UBE3C: variants seen among roughly 807,000 people sequenced by gnomAD.
The protein encoded by UBE3C is ubiquitin-protein ligase E3C.
Under a neutral mutation model 129.4 loss-of-function variants are expected in UBE3C, and 42 were observed. That is an observed-to-expected ratio of 0.32 (90% confidence interval 0.25 to 0.42). The LOEUF is 0.42. Ranked by LOEUF, UBE3C falls within the 10% of genes least tolerant of loss-of-function variation. UBE3C has a pLI of 1.00. For synonymous variants in UBE3C, 510 were observed against 492.4 expected, an observed-to-expected ratio of 1.04 and a Z score of -0.47; for missense variants, 1,049 against 1,319.1, an observed-to-expected ratio of 0.80 and a Z score of 3.17.
At chr7:157,177,391 G>T (rs906164380) in intron 5 of UBE3C, among the ~76,000 whole-genome samples, 1 of 152,170 alleles carries the variant, frequency 6.6e-6, no homozygotes, top group Non-Finnish European at 1.5e-5. Flanking sequence ...AGGCTGTCCC[G>T]ATAAACCTGG....
At chr7:157,193,352 T>C (rs147512158) in intron 10 of UBE3C, among the ~76,000 whole-genome samples, 3,806 of 152,298 alleles carry the variant, frequency 0.025, 72 homozygotes, top group Non-Finnish European at 0.038. Flanking sequence ...ATTGGGTGTC[T>C]CGCTGTTTCT....
chr7:157,229,938 T>G (rs1795978834), intron 17 of UBE3C, among the ~76,000 whole-genome samples: 2 of 151,928 alleles, frequency 1.3e-5, no homozygotes, highest in Non-Finnish European at 2.9e-5. Flanking sequence ...TTTTTTTTTT[T>G]GAGACTGTCA....
At chr7:157,223,840 A>G (rs1795802337) in intron 16 of UBE3C, among the ~76,000 whole-genome samples, 1 of 152,194 alleles carries the variant, frequency 6.6e-6, no homozygotes, top group East Asian at 1.9e-4. Context: ...GGATCATTTG[A>G]GCCTAGGAGG....
chr7:157,198,554 A>G, intron 10 of UBE3C: 1 of 308,684 alleles, frequency 3.2e-6, no homozygotes, highest in Non-Finnish European at 6.2e-6. Context: ...ATTTTTTTCG[A>G]CAGGGAGTCT....
chr7:157,264,679 C>G (rs1797029070), intron 22 of UBE3C, among the ~76,000 whole-genome samples: 1 of 152,214 alleles, frequency 6.6e-6, no homozygotes, highest in African/African-American at 2.4e-5. Flanking sequence ...CCTCTGCCTC[C>G]TGCCTCAGCC....
chr7:157,185,996 GA>G (rs1207442379), intron 9 of UBE3C, among the ~76,000 whole-genome samples: 2 of 151,896 alleles, frequency 1.3e-5, no homozygotes, highest in Non-Finnish European at 2.9e-5. Flanking sequence ...ACATACATAT[GA>G]AAAAAGTATA....
chr7:157,248,376 T>C lies in UBE3C; in HGVS notation c.2490T>C (p.Tyr830=). The C allele has an allele frequency of 6.2e-7, 1 of 1,612,410 alleles. No individual in the cohort carries two copies. The highest frequency in any genetic ancestry group is 1.1e-5 in the South Asian group (1 of 91,000). ...ACTGTTCTCTTTTGAAGGCTCTCTA[T>C]GAGAACATGCTGGTGGAGCTGCCCT... ...FLGRMLGKAL[Y]ENMLVELPFA... is the part of the protein sequence containing the mutation. Residue 830 remains tyrosine, a synonymous_variant, in exon 19 of 23, where the codon TAT becomes TAC. Coordinates refer to ENST00000348165, the MANE Select transcript of UBE3C (RefSeq NM_014671.3).
At chr7:157,198,437 C>T (rs1185563581) in intron 10 of UBE3C, 2 of 557,840 alleles carry the variant, frequency 3.6e-6, no homozygotes, top group African/African-American at 3.7e-5. Flanking sequence ...TCTGCAAATC[C>T]TGTGCGCTCG....
chr7:157,139,409 G>T, intron 1 of UBE3C, 71 bp downstream of exon 1: 1 of 1,421,758 alleles, frequency 7.0e-7, no homozygotes, highest in Non-Finnish European at 9.2e-7. Flanking sequence ...TGGGACTCGG[G>T]GCTGGACTCG....
At position 157,256,976 on chromosome 7, in the gene UBE3C, GAT is replaced by G. The variant is rs746409200; in HGVS notation, c.3014_3015del (p.Asp1005GlyfsTer22). ...VFWRVVEGFT[D>X]EEKRKLLKFV... ...CTGGAGAGTTGTGGAAGGGTTCACT[GAT>G]GAAGAAAAGCGCAAACTGCTGAAGT... On this transcript the variant is annotated frameshift_variant, in exon 22 of 23. Coordinates refer to ENST00000348165, the MANE Select transcript of UBE3C (RefSeq NM_014671.3). LOFTEE classifies it high-confidence loss of function. 1 of 1,614,084 alleles carries G rather than the reference GAT, an allele frequency of 6.2e-7. No individual in the cohort carries two copies. Among genetic ancestry groups the G allele is most frequent in the Non-Finnish European group, 8.5e-7 (1 of 1,180,042 alleles).
chr7:157,251,884 C>T (rs373077672), intron 19 of UBE3C, among the ~76,000 whole-genome samples: 14 of 152,284 alleles, frequency 9.2e-5, no homozygotes, highest in East Asian at 7.7e-4. Context: ...GCTGTAATCC[C>T]AGCACTTTGG....
At chr7:157,141,698 G>A (rs1312486618) in intron 1 of UBE3C, among the ~76,000 whole-genome samples, 3 of 152,184 alleles carry the variant, frequency 2.0e-5, no homozygotes, top group African/African-American at 4.8e-5. Flanking sequence ...GCCCCACAAA[G>A]GTGACTGTCC....
chr7:157,230,395 GA>G (rs59540123), intron 17 of UBE3C, among the ~76,000 whole-genome samples: 66 of 137,990 alleles, frequency 4.8e-4, no homozygotes, highest in African/African-American at 6.7e-4. Context: ...ATAAGCTTTT[GA>G]AAAAAAAAAA....
intron 10 of UBE3C, among the ~76,000 whole-genome samples, chr7:157,191,929 A>C (rs781045216): frequency 4.6e-4 from 70 of 152,204 alleles, no homozygotes; most frequent in Non-Finnish European, 7.3e-4. Context: ...TGATATTTTC[A>C]TTATAATCAA....
chr7:157,155,060 AT>A (rs35493254), intron 1 of UBE3C, among the ~76,000 whole-genome samples: 6,988 of 152,222 alleles, frequency 0.046, 216 homozygotes, highest in Non-Finnish European at 0.071. Context: ...TGTTTTATAA[AT>A]ATGATTTTTA....
At chr7:157,258,621 G>C (rs896527572) in intron 22 of UBE3C, among the ~76,000 whole-genome samples, 31 of 152,042 alleles carry the variant, frequency 2.0e-4, no homozygotes, top group African/African-American at 6.8e-4. Context: ...CTCCATGCCC[G>C]GCTAATTTTT....
chr7:157,150,832 G>C (rs182786196), intron 1 of UBE3C, among the ~76,000 whole-genome samples: 1 of 152,208 alleles, frequency 6.6e-6, no homozygotes, highest in Non-Finnish European at 1.5e-5. Flanking sequence ...GCTTATTGCT[G>C]TGTAATAGAG....
chr7:157,257,928 TTTC>T lies in UBE3C; in HGVS notation c.3081+887_3081+889del, dbSNP rs1796797068. Among the ~76,000 whole-genome samples, 10 of 150,580 alleles carry T rather than the reference TTTC, an allele frequency of 6.6e-5. No homozygotes were observed. In the South Asian group the frequency reaches 2.1e-3, roughly 31 times the overall value. ...CTTATGAAACTTCATAGGCATTCAC[TTTC>T]TTTTTTCCTTTTTTCTTTTTTTTTT... On this transcript the variant is annotated intron_variant, in intron 22 of 22. Coordinates refer to ENST00000348165, the MANE Select transcript of UBE3C (RefSeq NM_014671.3).
chr7:157,181,558 T>G lies in UBE3C; in HGVS notation c.657T>G (p.Leu219=), dbSNP rs1367730862. The G allele has an allele frequency of 9.3e-6, 15 of 1,612,450 alleles. No homozygotes were observed. In the South Asian group the frequency reaches 1.4e-4, roughly 15 times the overall value. Residue 219 remains leucine (L), a synonymous_variant, in exon 7 of 23, where the codon CTT becomes CTG. Transcript: ENST00000348165. Reference sequence around the variant, plus strand: ...TATATTTGTTGATTAACAGCAAGCTTCCATCAAGTATTGAATATTCTGATT... The same window carrying G: ...TATATTTGTTGATTAACAGCAAGCTGCCATCAAGTATTGAATATTCTGATT... ...RSLYLLINSK[L]PSSIEYSDLS...
Sources: gnomAD v4.1 joint callset for allele counts (sites outside exome capture counted in the v4.1 genomes callset) on GRCh38, gnomAD v4.1.1 for gene constraint, MANE v1.5 for transcripts, NCBI Gene and HGNC (gene_info 2026-07-23, HGNC 2026-07-21) for gene names.